PCDH15: variants seen among roughly 807,000 people sequenced by gnomAD.
The protein encoded by PCDH15 is protocadherin related 15.
A neutral mutation model predicts 178.5 loss-of-function variants in PCDH15; 129 were observed. The observed-to-expected ratio is 0.72, with a 90% confidence interval of 0.63 to 0.84. The LOEUF is 0.84. PCDH15 is among the 40% of genes least tolerant of loss of function. The pLI is 0.00. For missense variants in PCDH15, 2,230 were observed against 2,099.9 expected (o/e 1.06, Z -1.21); for synonymous variants, 800 against 732.0 (o/e 1.09, Z -1.50).
intron 2 of PCDH15, among the ~76,000 whole-genome samples, chr10:54,973,708 G>C (rs577268737): frequency 6.6e-6 from 1 of 152,166 alleles, no homozygotes; most frequent in Middle Eastern, 3.4e-3. Context: ...AAAATGTAAG[G>C]CTTACTGACA....
At chr10:54,120,887 C>A (rs1284181001) in intron 15 of PCDH15, among the ~76,000 whole-genome samples, 2 of 151,988 alleles carry the variant, frequency 1.3e-5, no homozygotes, top group Non-Finnish European at 2.9e-5. Flanking sequence ...ATTGTCAAGG[C>A]AGAAAACTAA....
chr10:54,107,278 G>C (rs2094932531), intron 15 of PCDH15, among the ~76,000 whole-genome samples: 1 of 152,134 alleles, frequency 6.6e-6, no homozygotes, highest in African/African-American at 2.4e-5. Flanking sequence ...TTGAATGTTT[G>C]CATCTCTTTA....
chr10:55,417,994 A>G (rs1319581229), intron 2 of PCDH15, among the ~76,000 whole-genome samples: 1 of 151,732 alleles, frequency 6.6e-6, no homozygotes, highest in Non-Finnish European at 1.5e-5. Flanking sequence ...ATGAGAAACA[A>G]CTTTTAAGCA....
chr10:54,172,096 T>A (rs553490522), intron 13 of PCDH15, among the ~76,000 whole-genome samples: 24 of 152,270 alleles, frequency 1.6e-4, no homozygotes, highest in Admixed American at 1.2e-3. Flanking sequence ...TCGCATCCCC[T>A]GTGACTTGCA....
chr10:53,899,271 GA>G (rs1277160058), intron 26 of PCDH15, among the ~76,000 whole-genome samples: 25 of 151,568 alleles, frequency 1.6e-4, no homozygotes, highest in Admixed American at 1.6e-3. Flanking sequence ...AATGAACTTA[GA>G]ACCTAAGTTT....
intron 2 of PCDH15, among the ~76,000 whole-genome samples, chr10:55,542,658 G>T: frequency 8.5e-6 from 1 of 118,226 alleles, no homozygotes; most frequent in Non-Finnish European, 1.8e-5. Context: ...TGTCTATATA[G>T]GTACATACAG....
intron 2 of PCDH15, among the ~76,000 whole-genome samples, chr10:55,106,647 C>G (rs1044921613): frequency 1.3e-5 from 2 of 152,104 alleles, no homozygotes; most frequent in Admixed American, 6.5e-5. Flanking sequence ...AACTCCTGAC[C>G]TCAGGTGATC....
chr10:55,519,114 A>AAAAC (rs1193201359), intron 2 of PCDH15, among the ~76,000 whole-genome samples: 9 of 149,640 alleles, frequency 6.0e-5, no homozygotes, highest in African/African-American at 2.0e-4. Context: ...AAAAAAAAAA[A>AAAAC]AAACAAACTC....
intron 1 of PCDH15, among the ~76,000 whole-genome samples, chr10:54,683,666 A>G (rs1270742499): frequency 6.6e-6 from 1 of 152,120 alleles, no homozygotes; most frequent in African/African-American, 2.4e-5. Flanking sequence ...AGCCCTCTCA[A>G]AGTCAAACAT....
chr10:54,778,039 T>C (rs575654302), intron 1 of PCDH15, among the ~76,000 whole-genome samples: 7 of 152,310 alleles, frequency 4.6e-5, no homozygotes, highest in Non-Finnish European at 5.9e-5. Context: ...CAGAAGATAC[T>C]GGCCAAGACA....
At position 53,961,824 on chromosome 10, in the gene PCDH15, A is replaced by C; in HGVS notation, c.2937T>G (p.Phe979Leu). 6.2e-7 allele frequency: 1 copy of C among 1,611,400 alleles called. No individual in the cohort carries two copies. The highest frequency in any genetic ancestry group is 1.1e-5 in the South Asian group (1 of 90,882). The stretch of plus-strand genomic sequence containing the variant: ...CTCTTCCAGAATCTTCTTCCACTTC[A>C]AAAATACTGGCAGGGTAAGGAAACT... ...DVQFPYPASI[F>L]EVEEDSGRVI... The change falls in exon 22 of 38, where the codon TTT becomes TTG. Residue 979 changes from phenylalanine (F) to leucine (L), a missense_variant. Phe to Leu is a conservative substitution (Grantham distance 22). Coordinates refer to ENST00000644397, the MANE Select transcript of PCDH15 (RefSeq NM_001384140.1).
At chr10:54,090,355 G>A (rs1056450025) in intron 15 of PCDH15, among the ~76,000 whole-genome samples, 3 of 152,092 alleles carry the variant, frequency 2.0e-5, no homozygotes, top group Non-Finnish European at 2.9e-5. Flanking sequence ...TTAAATAAAA[G>A]CTGCTGGCTG....
At chr10:55,407,062 T>C (rs916607998) in intron 2 of PCDH15, among the ~76,000 whole-genome samples, 4 of 152,146 alleles carry the variant, frequency 2.6e-5, no homozygotes, top group African/African-American at 9.7e-5. Flanking sequence ...CTTGACATGA[T>C]GAACTTCAGT....
chr10:55,032,253 A>G (rs1281779600), intron 2 of PCDH15, among the ~76,000 whole-genome samples: 1 of 152,184 alleles, frequency 6.6e-6, no homozygotes, highest in African/African-American at 2.4e-5. Flanking sequence ...CTGGTTTACA[A>G]AGTGGCAAAG....
chr10:55,224,373 T>C (rs771488079), intron 1 of PCDH15, among the ~76,000 whole-genome samples: 1 of 152,092 alleles, frequency 6.6e-6, no homozygotes, highest in Non-Finnish European at 1.5e-5. Flanking sequence ...TTTGACTAGG[T>C]GGTAGAGGCA....
intron 2 of PCDH15, among the ~76,000 whole-genome samples, chr10:55,454,659 C>T: frequency 6.7e-6 from 1 of 149,838 alleles, no homozygotes; most frequent in Non-Finnish European, 1.5e-5. Context: ...GTGGCGGGTG[C>T]CTGTAGTCCC....
intron 2 of PCDH15, among the ~76,000 whole-genome samples, chr10:55,094,221 A>C (rs1842390257): frequency 6.6e-6 from 1 of 152,104 alleles, no homozygotes; most frequent in Non-Finnish European, 1.5e-5. Flanking sequence ...CATAAAAAGG[A>C]TGAGTTCATG....
intron 17 of PCDH15, among the ~76,000 whole-genome samples, chr10:54,073,164 G>A (rs750011782): frequency 2.2e-4 from 33 of 151,192 alleles, no homozygotes; most frequent in Admixed American, 2.0e-4. Flanking sequence ...TTATGCAATC[G>A]TGCATGTTTT....
chr10:53,856,089 G>T (rs1235571595), intron 28 of PCDH15, among the ~76,000 whole-genome samples: 1 of 151,162 alleles, frequency 6.6e-6, no homozygotes, highest in Admixed American at 6.6e-5. Context: ...GGACTCAAAT[G>T]CATAAAGATG....
Sources: allele counts gnomAD v4.1 joint callset (sites outside exome capture counted in the v4.1 genomes callset), GRCh38; gene constraint gnomAD v4.1.1; transcripts MANE v1.5; gene names NCBI Gene and HGNC (gene_info 2026-07-23, HGNC 2026-07-21).